Variants in ERBB2 observed in about 807,000 individuals in gnomAD.
ERBB2 encodes receptor tyrosine-protein kinase erbB-2.
Under a neutral mutation model 149.0 loss-of-function variants are expected in ERBB2, and 61 were observed. The observed-to-expected ratio is 0.41, with a 90% CI of 0.33 to 0.51. The LOEUF (loss-of-function observed/expected upper bound fraction) is 0.51. Ranked by LOEUF, ERBB2 falls within the 20% of genes least tolerant of loss-of-function variation. The pLI is 0.25. For synonymous variants in ERBB2, 633 were observed against 678.8 expected (o/e 0.93, Z 1.05); for missense variants, 1,205 against 1,655.1 (o/e 0.73, Z 4.72).
intron 16 of ERBB2, among the ~76,000 whole-genome samples, chr17:39,721,976 T>C (rs1283067828): frequency 1.3e-5 from 2 of 152,128 alleles, no homozygotes; most frequent in African/African-American, 4.8e-5. Flanking sequence ...TGGAGTGCAA[T>C]GGCGCAGTCT....
upstream of ERBB2, among the ~76,000 whole-genome samples, chr17:39,695,997 C>T (rs530088752): frequency 2.0e-5 from 3 of 152,256 alleles, no homozygotes; most frequent in South Asian, 6.2e-4. Context: ...CCACTCTGTT[C>T]CCACTCCCTC....
chr17:39,710,985 C>T (rs4252620), intron 7 of ERBB2, among the ~76,000 whole-genome samples: 274 of 151,916 alleles, frequency 1.8e-3, no homozygotes, highest in African/African-American at 6.3e-3. Flanking sequence ...CTGCAACCTC[C>T]GCCTCCCAGG....
chr17:39,691,906 T>G (rs11658252), upstream of ERBB2, among the ~76,000 whole-genome samples: 8,631 of 89,726 alleles, frequency 0.096, 329 homozygotes, highest in Non-Finnish European at 0.12. Flanking sequence ...TATAGATATA[T>G]ATACATATAC....
chr17:39,691,574 T>TAC (rs1173386743), upstream of ERBB2, among the ~76,000 whole-genome samples: 25,973 of 121,492 alleles, frequency 0.21, 3,246 homozygotes, highest in Non-Finnish European at 0.26. Context: ...TATATATATA[T>TAC]ACACACACAC....
chr17:39,725,430 T>A lies in ERBB2; in HGVS notation c.2725+28T>A, dbSNP rs762150448. The A allele has an allele frequency of 1.7e-6, 2 of 1,206,520 alleles. No individual in the cohort carries two copies. The highest frequency in any genetic ancestry group is 2.4e-6 in the Non-Finnish European group (2 of 823,624). 74.7% of individuals were successfully genotyped at this position (1,206,520 alleles called of 1,614,324 possible). ...GTGTGATGGGGGGTGTTGGGAGGGG[T>A]GGGTGAGGAGCCATGGCTGGAGGGA... On this transcript the variant is annotated intron_variant, in intron 22 of 26. Coordinates refer to ENST00000269571, the MANE Select transcript of ERBB2 (RefSeq NM_004448.4). The surrounding 1 kb of genome is among the most constrained non-coding windows in gnomAD (Gnocchi z 4.6).
intron 7 of ERBB2, among the ~76,000 whole-genome samples, chr17:39,710,876 A>G (rs1431187884): frequency 1.3e-5 from 2 of 152,246 alleles, no homozygotes; most frequent in African/African-American, 4.8e-5. Flanking sequence ...CCTAAATGTT[A>G]GCTTTTATTC....
chr17:39,724,011 G>A lies in ERBB2; in HGVS notation c.2307+1G>A, dbSNP rs1375812476. 6.2e-7 allele frequency: 1 copy of A among 1,609,562 alleles called. No homozygotes were observed. Among genetic ancestry groups the A allele is most frequent in the Non-Finnish European group, 8.5e-7 (1 of 1,176,816 alleles). On this transcript the variant is annotated splice_donor_variant, in intron 19 of 26. Transcript: ENST00000269571. LOFTEE classifies it high-confidence loss of function. ...CAAAGCCAACAAAGAAATCTTAGAC[G>A]TAAGCCCCTCCACCCTCTCCTGCTA...
chr17:39,700,330 G>A lies in ERBB2; in HGVS notation c.73+19G>A, dbSNP rs2058014589. On this transcript the variant is annotated intron_variant, in intron 1 of 26. Coordinates refer to ENST00000269571, the MANE Select transcript of ERBB2 (RefSeq NM_004448.4). ...ACCCAAGGTGGGTCTGGTGTGGGGA[G>A]GGGACGGAGCAGCGGCGGGACCCTG... 1.5e-6 allele frequency: 2 copies of A among 1,368,520 alleles called. No individual in the cohort carries two copies. The highest frequency in any genetic ancestry group is 1.5e-5 in the African/African-American group (1 of 66,300). 84.8% of individuals were successfully genotyped at this position (1,368,520 alleles called of 1,614,324 possible). A position where few individuals can be genotyped will look rare whatever the true frequency, so the allele number is the denominator to read the frequency against.
At chr17:39,717,134 G>C in intron 14 of ERBB2, 186 bp from the exon 15 acceptor site, 1 of 527,944 alleles carries the variant, frequency 1.9e-6, no homozygotes, top group Non-Finnish European at 3.3e-6. Context: ...ATCAAGCTTG[G>C]AGGAGGGCCC....
rs747888253 is a variant in ERBB2, at chr17:39,727,517, G to A, written c.3382G>A (p.Val1128Ile). The A allele has an allele frequency of 2.1e-5, 33 of 1,607,008 alleles. No homozygotes were observed. Among genetic ancestry groups the A allele is most frequent in the Middle Eastern group, 1.7e-4 (1 of 6,004 alleles). Residue 1128 changes from valine to isoleucine, a missense_variant, in exon 26 of 27, where the codon GTT becomes ATT. Around this residue, in one of 6 missense-constraint regions of ERBB2, gnomAD observed 312 missense variants for 343.8 expected, o/e 0.91. Transcript: ENST00000269571. This position sits in a 1 kb window ranked among gnomAD's most constrained non-coding sequence, Gnocchi z 4.3. ...VPLPSETDGY[V>I]APLTCSPQPE... ...CCTGCCCTCTGAGACTGATGGCTAC[G>A]TTGCCCCCCTGACCTGCAGCCCCCA...
chr17:39,703,571 T>C (rs1034045950), intron 1 of ERBB2: 2 of 152,292 alleles, frequency 1.3e-5, no homozygotes, highest in Non-Finnish European at 2.9e-5. Flanking sequence ...GTACCTCCTC[T>C]GAGGGAGTAA....
At chr17:39,699,078 C>A (rs79747793), upstream of ERBB2, among the ~76,000 whole-genome samples, 5,083 of 152,068 alleles carry the variant, frequency 0.033, 125 homozygotes, top group South Asian at 0.063. Context: ...TAATAGAAGG[C>A]AAGGGGCAAA....
At chr17:39,693,765 A>AAATAAT (rs71355408), upstream of ERBB2, among the ~76,000 whole-genome samples, 2,745 of 143,402 alleles carry the variant, frequency 0.019, 38 homozygotes, top group African/African-American at 0.038. Flanking sequence ...CTCGAAAATA[A>AAATAAT]AATAATAATA....
rs140636713 is a variant in ERBB2, at chr17:39,710,117, C to T, written c.675C>T (p.Ala225=). 1 of 1,610,284 alleles carries T rather than the reference C, an allele frequency of 6.2e-7. No homozygotes were observed. The highest frequency in any genetic ancestry group is 8.5e-7 in the Non-Finnish European group (1 of 1,179,486). Reference sequence around the variant, plus strand: ...GCACTGTCTGTGCCGGTGGCTGTGCCCGCTGCAAGGGGCCACTGCCCACTG... The same window carrying T: ...GCACTGTCTGTGCCGGTGGCTGTGCTCGCTGCAAGGGGCCACTGCCCACTG... ...LTRTVCAGGC[A]RCKGPLPTDC... is the part of the protein sequence containing the mutation. Residue 225 remains alanine (A), a synonymous_variant, in exon 6 of 27, where the codon GCC becomes GCT. Coordinates refer to ENST00000269571, the MANE Select transcript of ERBB2 (RefSeq NM_004448.4).
intron 16 of ERBB2, among the ~76,000 whole-genome samples, chr17:39,722,912 C>A (rs532023518): frequency 1.3e-5 from 2 of 151,952 alleles, no homozygotes; most frequent in Non-Finnish European, 2.9e-5. Context: ...TTAGTAGAGA[C>A]GGGGGTTTCA....
rs1196103307 is a variant in ERBB2, at chr17:39,707,150, C to T, written c.225+9C>T. ...GCCTGTCCTTCCTGCAGGTGAGGCC[C>T]GTGGGCAACCCAGCCAGGCCCTGCC... On this transcript the variant is annotated intron_variant, in intron 2 of 26. Coordinates refer to ENST00000269571, the MANE Select transcript of ERBB2 (RefSeq NM_004448.4). The T allele has an allele frequency of 1.9e-5, 30 of 1,550,974 alleles. No homozygotes were observed. Among genetic ancestry groups the T allele is most frequent in the East Asian group, 4.9e-5 (2 of 40,634 alleles).
chr17:39,721,358 C>T (rs1349908276), intron 16 of ERBB2, among the ~76,000 whole-genome samples: 2 of 151,212 alleles, frequency 1.3e-5, no homozygotes, highest in Admixed American at 1.3e-4. Context: ...CTCTGCCTCC[C>T]AGGTTCAAGC....
At chr17:39,702,544 T>C (rs974573529) in intron 1 of ERBB2, among the ~76,000 whole-genome samples, 1 of 152,216 alleles carries the variant, frequency 6.6e-6, no homozygotes, top group Non-Finnish European at 1.5e-5. Context: ...CTCTTTACTA[T>C]ACTTGGGGAA....
At chr17:39,719,906 G>A (rs2145752851) in intron 16 of ERBB2, 72 bp downstream of exon 16, 3 of 1,448,448 alleles carry the variant, frequency 2.1e-6, no homozygotes, top group Non-Finnish European at 2.9e-6. Context: ...GGTCACTGCT[G>A]TAGGGAGGGG....
Sources: allele counts gnomAD v4.1 joint callset (sites outside exome capture counted in the v4.1 genomes callset), GRCh38; gene constraint gnomAD v4.1.1; regional missense constraint gnomAD v4.1.1; non-coding constraint Gnocchi (gnomAD v3.1); transcripts MANE v1.5; gene names NCBI Gene and HGNC (gene_info 2026-07-23, HGNC 2026-07-21).